Variants in BMERB1 observed in about 807,000 individuals in gnomAD.
The protein encoded by BMERB1 is bMERB domain containing 1.
Under a neutral mutation model 23.6 loss-of-function variants are expected in BMERB1, and 12 were observed. That is an observed-to-expected ratio of 0.51 (90% confidence interval 0.33 to 0.82). The LOEUF is 0.82. Ranked by LOEUF, BMERB1 falls within the 40% of genes least tolerant of loss-of-function variation. The probability of loss-of-function intolerance (pLI) is 0.03; values close to 1 mark genes in which losing one functional copy is unlikely to be tolerated. For missense variants in BMERB1, 247 were observed against 255.4 expected (o/e 0.97, Z 0.22); for synonymous variants, 122 against 96.6 (o/e 1.26, Z -1.54).
chr16:15,574,501 G>A (rs904297144), intron 3 of BMERB1, among the ~76,000 whole-genome samples: 3 of 152,020 alleles, frequency 2.0e-5, no homozygotes, highest in Non-Finnish European at 4.4e-5. Context: ...TAATGAACAA[G>A]GACAGCTTGG....
chr16:15,523,470 C>T lies in BMERB1; in HGVS notation c.230+8042C>T, dbSNP rs563598501. On this transcript the variant is annotated intron_variant, in intron 2 of 5. Transcript: ENST00000300006. ...TACCAGGGACCACACCCTCCTCTAC[C>T]CAGCACTTCCCTTCCTTCCTTCTGT... Among the ~76,000 whole-genome samples the T allele has an allele frequency of 9.8e-5, 15 of 152,290 alleles. No individual in the cohort carries two copies. In the East Asian group the frequency reaches 2.3e-3, roughly 24 times the overall value.
At chr16:15,511,295 C>T (rs1419382243) in intron 1 of BMERB1, among the ~76,000 whole-genome samples, 4 of 152,040 alleles carry the variant, frequency 2.6e-5, no homozygotes, top group African/African-American at 9.7e-5. Context: ...TTGACACTCC[C>T]TCCTCTCCCT....
intron 1 of BMERB1, among the ~76,000 whole-genome samples, chr16:15,442,161 C>T (rs1297876737): frequency 1.3e-5 from 2 of 151,808 alleles, no homozygotes; most frequent in African/African-American, 4.8e-5. Flanking sequence ...TGAAACCCCA[C>T]ATCTACCAAA....
At chr16:15,528,171 C>A (rs906940344) in intron 2 of BMERB1, among the ~76,000 whole-genome samples, 1 of 152,062 alleles carries the variant, frequency 6.6e-6, no homozygotes, top group South Asian at 2.1e-4. Flanking sequence ...TGGAGTCTGG[C>A]TGGGAAGTCC....
intron 1 of BMERB1, among the ~76,000 whole-genome samples, chr16:15,488,119 C>T (rs1009591629): frequency 2.0e-5 from 3 of 152,164 alleles, no homozygotes; most frequent in South Asian, 2.1e-4. Context: ...CTGGTTCAAA[C>T]GCTTCTGACA....
intron 1 of BMERB1, among the ~76,000 whole-genome samples, chr16:15,514,282 A>G (rs2051717128): frequency 6.6e-6 from 1 of 152,148 alleles, no homozygotes; most frequent in African/African-American, 2.4e-5. Flanking sequence ...ACAAATGAAA[A>G]AATACTTAAC....
chr16:15,443,686 G>C (rs1293570047), intron 1 of BMERB1, among the ~76,000 whole-genome samples: 1 of 152,160 alleles, frequency 6.6e-6, no homozygotes, highest in Non-Finnish European at 1.5e-5. Flanking sequence ...GGGAGGCCAA[G>C]GTGGGAGGAT....
At chr16:15,522,167 G>T (rs1340541021) in intron 2 of BMERB1, among the ~76,000 whole-genome samples, 3 of 152,170 alleles carry the variant, frequency 2.0e-5, no homozygotes, top group African/African-American at 7.2e-5. Context: ...CATAAAAAGG[G>T]ATAGCATGCC....
intron 1 of BMERB1, among the ~76,000 whole-genome samples, chr16:15,456,583 C>T (rs916079214): frequency 6.6e-6 from 1 of 152,090 alleles, no homozygotes; most frequent in Admixed American, 6.6e-5. Flanking sequence ...AGTGATCTGC[C>T]TGCCTCAGCC....
At chr16:15,509,485 C>T (rs554024363) in intron 1 of BMERB1, among the ~76,000 whole-genome samples, 1 of 152,256 alleles carries the variant, frequency 6.6e-6, no homozygotes, top group African/African-American at 2.4e-5. Flanking sequence ...CAGAAAGCCT[C>T]CAGCACAGGT....
intron 5 of BMERB1, among the ~76,000 whole-genome samples, chr16:15,583,692 G>A (rs1567508277): frequency 6.6e-6 from 1 of 152,076 alleles, no homozygotes; most frequent in African/African-American, 2.4e-5. Flanking sequence ...TGGGATGACA[G>A]CAGGCAGGAC....
At chr16:15,551,876 A>G (rs1486418449) in intron 2 of BMERB1, among the ~76,000 whole-genome samples, 1 of 152,144 alleles carries the variant, frequency 6.6e-6, no homozygotes, top group African/African-American at 2.4e-5. Context: ...ATTTAAAACC[A>G]GCAGCTCTCT....
chr16:15,484,768 A>G (rs962458993), intron 1 of BMERB1, among the ~76,000 whole-genome samples: 1 of 152,158 alleles, frequency 6.6e-6, no homozygotes, highest in African/African-American at 2.4e-5. Context: ...TTTAAAGTGT[A>G]CCCTTCAGTG....
intron 2 of BMERB1, among the ~76,000 whole-genome samples, chr16:15,543,923 A>T (rs995289398): frequency 6.6e-6 from 1 of 152,250 alleles, no homozygotes; most frequent in Non-Finnish European, 1.5e-5. Flanking sequence ...AAAAATTGGA[A>T]ATAAGGAAGA....
At chr16:15,460,055 G>A (rs1257609870) in intron 1 of BMERB1, among the ~76,000 whole-genome samples, 1 of 152,030 alleles carries the variant, frequency 6.6e-6, no homozygotes, top group Non-Finnish European at 1.5e-5. Context: ...TTCTACTCTA[G>A]TGCCAGTTCT....
At chr16:15,456,345 T>A (rs1217844423) in intron 1 of BMERB1, among the ~76,000 whole-genome samples, 1 of 152,050 alleles carries the variant, frequency 6.6e-6, no homozygotes, top group East Asian at 1.9e-4. Flanking sequence ...TCCTTGTTTT[T>A]TTTTTTTTTG....
chr16:15,546,659 A>C (rs956981907), intron 2 of BMERB1, among the ~76,000 whole-genome samples: 7 of 152,164 alleles, frequency 4.6e-5, no homozygotes, highest in African/African-American at 1.7e-4. Flanking sequence ...TAAAGACCTA[A>C]ATAATCAGCT....
At chr16:15,580,585 T>C (rs1425766230) in intron 3 of BMERB1, among the ~76,000 whole-genome samples, 1 of 150,010 alleles carries the variant, frequency 6.7e-6, no homozygotes, top group African/African-American at 2.5e-5. Flanking sequence ...TCTCGCTCTA[T>C]CACCCAGGCT....
chr16:15,460,802 A>G lies in BMERB1; in HGVS notation c.106+26043A>G, dbSNP rs975026906. ...GAGACAGACACAGTAACAGATCATT[A>G]TGTAATATGCTAAGTGCTTTATCAG... On this transcript the variant is annotated intron_variant, in intron 1 of 5. Transcript: ENST00000300006. Among the ~76,000 whole-genome samples the G allele has an allele frequency of 4.6e-5, 7 of 152,272 alleles. 1 individual carries two copies. The highest frequency in any genetic ancestry group is 6.8e-3 in the Middle Eastern group (2 of 294).
Sources: allele counts gnomAD v4.1 joint callset (sites outside exome capture counted in the v4.1 genomes callset), GRCh38; gene constraint gnomAD v4.1.1; transcripts MANE v1.5; gene names NCBI Gene and HGNC (gene_info 2026-07-23, HGNC 2026-07-21).